Variants in KIN observed in about 807,000 individuals in gnomAD.
KIN encodes DNA/RNA-binding protein KIN17.
Under a neutral mutation model 63.0 loss-of-function variants are expected in KIN, and 47 were observed. That is an observed-to-expected ratio of 0.75 (90% CI 0.59 to 0.95). The LOEUF (loss-of-function observed/expected upper bound fraction) is 0.95, where lower values mean the gene tolerates loss of function less well. Ranked by LOEUF, KIN falls within the 40% of genes least tolerant of loss-of-function variation. The pLI is 0.00. For synonymous variants in KIN, 160 were observed against 157.7 expected (o/e 1.01, Z -0.11); for missense variants, 408 against 460.9 (o/e 0.89, Z 1.05).
chr10:7,762,687 A>G, intron 10 of KIN, 131 bp from the exon 11 acceptor site: 1 of 526,746 alleles, frequency 1.9e-6, no homozygotes, highest in South Asian at 2.9e-5. Context: ...TATAAATGAC[A>G]CTATTTTCTA....
In KIN at chr10:7,780,168, C is replaced by G; in HGVS notation, c.264G>C (p.Arg88Ser). The stretch of plus-strand genomic sequence containing the variant: ...CGTTGTAGACAATGTTGTTGTGGAC[C>G]CTTTTAGTGCCTGAGAACAAAATAT... ...ELLRRRFGTKRVHNNIVYNEY... is the reference protein window; with the variant it reads ...ELLRRRFGTKSVHNNIVYNEY... Residue 88 changes from arginine to serine, a missense_variant, in exon 4 of 13, where the codon AGG (arginine) becomes AGC (serine). Physicochemically the swap from Arg to Ser is moderately radical, Grantham distance 110 (BLOSUM62 -1). This residue lies in a region of KIN where 110 missense variants were observed against 164.9 expected (regional missense o/e 0.67). Transcript: ENST00000379562. The G allele has an allele frequency of 6.2e-7, 1 of 1,612,168 alleles. No individual in the cohort carries two copies. The highest frequency in any genetic ancestry group is 8.5e-7 in the Non-Finnish European group (1 of 1,179,222).
At chr10:7,772,227 C>T (rs12257360) in intron 7 of KIN, among the ~76,000 whole-genome samples, 7,712 of 152,118 alleles carry the variant, frequency 0.051, 657 homozygotes, top group African/African-American at 0.18. Flanking sequence ...ATGAGTGACA[C>T]GGTAAGAGCT....
In KIN at chr10:7,753,572, T is replaced by G. The variant is rs1835276674; in HGVS notation, c.*2508A>C. On this transcript the variant is annotated 3_prime_UTR_variant, in exon 13 of 13. Coordinates refer to ENST00000379562, the MANE Select transcript of KIN (RefSeq NM_012311.4). ...TGGACTTCATGTCTGATGATTTATA[T>G]GTATTTTCTGTAGGTCTCCCATCAA... is the stretch of plus-strand genomic sequence containing the variant. The G allele has an allele frequency of 6.5e-6, 1 of 153,466 alleles. No individual in the cohort carries two copies. Among genetic ancestry groups the G allele is most frequent in the South Asian group, 2.0e-4 (1 of 4,904 alleles). 9.5% of individuals were successfully genotyped at this position (153,466 alleles called of 1,614,324 possible). A position where few individuals can be genotyped will look rare whatever the true frequency, so the allele number is the denominator to read the frequency against.
Position 7,783,081 on chromosome 10 carries a change from T to C in KIN, c.209A>G (p.Glu70Gly). ...NPQQFMDYFS[E>G]EFRNDFLELL... ...ATAAAGAGTTCTTTGAGTTACTTAC[T>C]CTGAAAAATAATCCATAAACTGCTG... The change falls in exon 2 of 13, where the codon GAG (glutamate) becomes GGG (glycine). Residue 70 changes from glutamate to glycine, a missense_variant and splice_region_variant. Glu to Gly is a moderately conservative substitution (Grantham distance 98). Coordinates refer to ENST00000379562, the MANE Select transcript of KIN (RefSeq NM_012311.4). 6.4e-7 allele frequency: 1 copy of C among 1,553,248 alleles called. No homozygotes were observed. The highest frequency in any genetic ancestry group is 8.8e-7 in the Non-Finnish European group (1 of 1,134,850).
chr10:7,771,831 G>A (rs927888133), intron 7 of KIN, among the ~76,000 whole-genome samples: 13 of 151,230 alleles, frequency 8.6e-5, no homozygotes, highest in Admixed American at 3.3e-4. Flanking sequence ...GAAGGCAGAG[G>A]TTGTGGTGAG....
intron 12 of KIN, among the ~76,000 whole-genome samples, chr10:7,758,508 T>G (rs1197728248): frequency 6.6e-6 from 1 of 152,154 alleles, no homozygotes; most frequent in Non-Finnish European, 1.5e-5. Flanking sequence ...AGAAATTAGT[T>G]TTTGATGAAT....
At chr10:7,757,526 TAAATTAAATA>T (rs368968281) in intron 12 of KIN, among the ~76,000 whole-genome samples, 8 of 150,758 alleles carry the variant, frequency 5.3e-5, no homozygotes, top group South Asian at 2.1e-4. Flanking sequence ...AAAATAAAAT[TAAATTAAATA>T]AAATTAAAAT....
At chr10:7,776,680 G>A (rs1257554150) in intron 5 of KIN, among the ~76,000 whole-genome samples, 1 of 147,726 alleles carries the variant, frequency 6.8e-6, no homozygotes, top group South Asian at 2.1e-4. Context: ...GCAGTGAGCC[G>A]AGATCATGCC....
At chr10:7,778,705 C>T (rs1463630406) in intron 5 of KIN, 133 bp downstream of exon 5, 2 of 934,464 alleles carry the variant, frequency 2.1e-6, no homozygotes, top group African/African-American at 3.3e-5. Flanking sequence ...CGCTACTGCA[C>T]TCCAGCCTGG....
chr10:7,762,885 G>C (rs948359433), intron 10 of KIN, among the ~76,000 whole-genome samples: 33 of 152,188 alleles, frequency 2.2e-4, no homozygotes, highest in African/African-American at 8.0e-4. Flanking sequence ...CATGCACAAG[G>C]CTGGGTGCTA....
intron 9 of KIN, among the ~76,000 whole-genome samples, chr10:7,764,979 G>A (rs1222463982): frequency 2.6e-5 from 4 of 151,914 alleles, no homozygotes; most frequent in African/African-American, 9.7e-5. Context: ...GACCAACATG[G>A]AGAAACCCCG....
rs1835287346 is a variant in KIN, at chr10:7,754,206, C to T, written c.*1874G>A. The T allele has an allele frequency of 2.5e-6, 1 of 407,624 alleles. No individual in the cohort carries two copies. The highest frequency in any genetic ancestry group is 2.7e-5 in the Admixed American group (1 of 36,970). The allele number at this position is 407,624 out of a possible 1,614,324, so 25.3% of individuals were successfully genotyped here. ...ATTAGCCAGGCATGGTAGTGCATGC[C>T]TGTAGTCCCAGCTACTCGGGAGGCT... On this transcript the variant is annotated 3_prime_UTR_variant, in exon 13 of 13. Transcript: ENST00000379562.
chr10:7,760,158 T>G (rs1835412308), intron 11 of KIN, among the ~76,000 whole-genome samples, 168 bp from the exon 12 acceptor site: 1 of 152,206 alleles, frequency 6.6e-6, no homozygotes, highest in Non-Finnish European at 1.5e-5. Context: ...GTGCGGTGTA[T>G]GGATACTTTC....
chr10:7,786,634 G>A (rs1836015665), intron 1 of KIN, among the ~76,000 whole-genome samples: 1 of 152,018 alleles, frequency 6.6e-6, no homozygotes, highest in African/African-American at 2.4e-5. Flanking sequence ...TTCTATTAGA[G>A]CTTGCTCTAT....
intron 7 of KIN, 21 bp from the exon 8 acceptor site, chr10:7,769,366 G>T: frequency 6.2e-7 from 1 of 1,604,048 alleles, no homozygotes; most frequent in Non-Finnish European, 8.5e-7. Flanking sequence ...GGAGAACCAT[G>T]CTTGTTACCA....
chr10:7,757,291 G>A (rs998327985), intron 12 of KIN, among the ~76,000 whole-genome samples: 1 of 152,068 alleles, frequency 6.6e-6, no homozygotes, highest in African/African-American at 2.4e-5. Flanking sequence ...CTGAGGTCAG[G>A]AGTTTGAGAC....
At chr10:7,785,739 G>A (rs942926214) in intron 1 of KIN, among the ~76,000 whole-genome samples, 3 of 151,776 alleles carry the variant, frequency 2.0e-5, no homozygotes, top group Non-Finnish European at 4.4e-5. Flanking sequence ...ACTTGAACCC[G>A]GGAGGCAAAG....
At chr10:7,757,401 G>A (rs1050679187) in intron 12 of KIN, among the ~76,000 whole-genome samples, 6 of 151,912 alleles carry the variant, frequency 3.9e-5, no homozygotes, top group African/African-American at 1.5e-4. Flanking sequence ...TGGGAGGCTG[G>A]AGCAGAAGAA....
rs554168497 is a variant in KIN at position 7,754,067 on chromosome 10, C to A, written c.*2013G>T. 6.6e-6 allele frequency: 3 copies of A among 456,054 alleles called. No homozygotes were observed. The highest frequency in any genetic ancestry group is 6.0e-5 in the African/African-American group (3 of 50,178). The allele number at this position is 456,054 out of a possible 1,614,324, so 28.3% of individuals were successfully genotyped here. On this transcript the variant is annotated 3_prime_UTR_variant, in exon 13 of 13. Transcript: ENST00000379562. ...AACTCAGGCAAGGCGTGGTAGCTCA[C>A]ACCTGTAATCACAACATTTTAGAAG...
Sources: allele counts gnomAD v4.1 joint callset (sites outside exome capture counted in the v4.1 genomes callset), GRCh38; gene constraint gnomAD v4.1.1; regional missense constraint gnomAD v4.1.1; transcripts MANE v1.5; gene names NCBI Gene and HGNC (gene_info 2026-07-23, HGNC 2026-07-21).